The following BIN3 variants were observed in gnomAD, a reference collection of about 807,000 sequenced individuals.
The protein encoded by BIN3 is bridging integrator 3.
A neutral mutation model predicts 38.2 loss-of-function variants in BIN3; 41 were observed. That is an observed-to-expected ratio of 1.07 (90% confidence interval 0.84 to 1.39). The LOEUF is 1.39. Ranked by LOEUF, BIN3 falls within the 40% of genes most tolerant of loss-of-function variation. The pLI is 0.00. For missense variants in BIN3, 361 were observed against 324.3 expected, an observed-to-expected ratio of 1.11 and a Z score of -0.87; for synonymous variants, 145 against 122.6, an observed-to-expected ratio of 1.18 and a Z score of -1.21.
chr8:22,648,290 T>G (rs186323533), intron 1 of BIN3, among the ~76,000 whole-genome samples: 1 of 152,246 alleles, frequency 6.6e-6, no homozygotes, highest in Admixed American at 6.5e-5. Context: ...AGACTATCCT[T>G]TCTTCAGACC....
chr8:22,625,451 C>T (rs1321715765), intron 6 of BIN3: 1 of 701,776 alleles, frequency 1.4e-6, no homozygotes, highest in Non-Finnish European at 2.6e-6. Context: ...GGAGGAAAGA[C>T]GAGGGCAGGA....
intron 1 of BIN3, among the ~76,000 whole-genome samples, chr8:22,645,722 G>C (rs113398244): frequency 1.3e-5 from 2 of 152,128 alleles, no homozygotes; most frequent in African/African-American, 2.4e-5. Context: ...TTGAAATCAC[G>C]AATCATTATG....
At chr8:22,657,543 T>C (rs749872509) in intron 1 of BIN3, among the ~76,000 whole-genome samples, 3 of 152,134 alleles carry the variant, frequency 2.0e-5, no homozygotes, top group Non-Finnish European at 4.4e-5. Flanking sequence ...CAAGAGGATA[T>C]ATGAAAGGAG....
At chr8:22,625,122 G>A (rs182280798) in intron 6 of BIN3, 62 of 554,538 alleles carry the variant, frequency 1.1e-4, no homozygotes, top group Non-Finnish European at 1.7e-4. Flanking sequence ...AAGGGACCGC[G>A]TGGGAGACTC....
intron 1 of BIN3, among the ~76,000 whole-genome samples, chr8:22,653,629 A>C (rs1012944206): frequency 6.6e-6 from 1 of 152,188 alleles, no homozygotes; most frequent in African/African-American, 2.4e-5. Context: ...TCCATCCCCC[A>C]AAAAAGCCTG....
intron 1 of BIN3, among the ~76,000 whole-genome samples, chr8:22,650,529 T>C (rs1006676266): frequency 3.9e-5 from 6 of 152,244 alleles, no homozygotes; most frequent in African/African-American, 1.4e-4. Flanking sequence ...TTATTACTTT[T>C]ATGGCTTCCT....
intron 7 of BIN3, 76 bp downstream of exon 7, chr8:22,624,146 G>T: frequency 6.3e-7 from 1 of 1,587,814 alleles, no homozygotes; most frequent in African/African-American, 1.3e-5. Context: ...GTGCCCCCAG[G>T]TGAGGGGAGG....
chr8:22,644,624 G>T, intron 2 of BIN3, 131 bp downstream of exon 2: 1 of 813,948 alleles, frequency 1.2e-6, no homozygotes, highest in Non-Finnish European at 2.0e-6. Flanking sequence ...TTCTAGATCC[G>T]CATAAGCAGG....
chr8:22,634,463 T>C (rs545138730), intron 4 of BIN3: 167 of 456,212 alleles, frequency 3.7e-4, no homozygotes, highest in African/African-American at 3.0e-3. Context: ...CGCTTTCCTT[T>C]TGTGATCAGT....
In BIN3 at chr8:22,630,533, T is replaced by C. The variant is rs368195300; in HGVS notation, c.206A>G (p.Asn69Ser). The change falls in exon 5 of 9, where the codon AAT (asparagine) becomes AGT (serine). Residue 69 changes from asparagine (N) to serine (S), a missense_variant. By Grantham distance (46) the Asn-to-Ser change is conservative. Coordinates refer to ENST00000276416, the MANE Select transcript of BIN3 (RefSeq NM_018688.6). ...AVKISLDLLS[N>S]PLCEQDQDLL... ...GTCCTGGTCTTGCTCACAGAGGGGA[T>C]TGGAGAGTAAGTCCAAGGATATCTT... is the stretch of plus-strand genomic sequence containing the variant. 1.2e-4 allele frequency: 199 copies of C among 1,613,976 alleles called. No homozygotes were observed. The highest frequency in any genetic ancestry group is 9.4e-4 in the East Asian group (42 of 44,878).
intron 8 of BIN3, among the ~76,000 whole-genome samples, chr8:22,623,473 G>A (rs904204838): frequency 7.9e-5 from 12 of 152,242 alleles, no homozygotes; most frequent in Admixed American, 5.2e-4. Flanking sequence ...CAGGACTCCC[G>A]CCGTTTCCTG....
chr8:22,637,804 AG>A (rs1802421651), intron 2 of BIN3, among the ~76,000 whole-genome samples: 1 of 152,226 alleles, frequency 6.6e-6, no homozygotes, highest in Non-Finnish European at 1.5e-5. Flanking sequence ...TGCAGCCGTC[AG>A]GTGCCAGCTT....
At chr8:22,635,610 A>T (rs1802342526) in intron 4 of BIN3, among the ~76,000 whole-genome samples, 1 of 151,668 alleles carries the variant, frequency 6.6e-6, no homozygotes, top group Non-Finnish European at 1.5e-5. Context: ...TCAGTGCTTT[A>T]CGTTGCTCAT....
At chr8:22,626,181 C>G (rs1801998360) in intron 6 of BIN3, 1 of 152,352 alleles carries the variant, frequency 6.6e-6, no homozygotes, top group African/African-American at 2.4e-5. Flanking sequence ...AAACCAGCAT[C>G]TGACCGACTT....
At position 22,628,395 on chromosome 8, in the gene BIN3, G is replaced by C. The variant is rs1802072633; in HGVS notation, c.338+1569C>G. 1.3e-5 allele frequency among the ~76,000 whole-genome samples: 2 copies of C among 152,344 alleles called. 1 individual carries two copies. Among genetic ancestry groups the C allele is most frequent in the East Asian group, 3.9e-4 (2 of 5,184 alleles). On this transcript the variant is annotated intron_variant, in intron 6 of 8. Transcript: ENST00000276416. ...AAGAGGAAGCCAATGGGAAGAGGCTGTAGGCTGCGCGGTTTTATGTGGTTG... is the reference window on the plus strand; with the variant it reads ...AAGAGGAAGCCAATGGGAAGAGGCTCTAGGCTGCGCGGTTTTATGTGGTTG...
chr8:22,663,452 A>AAG (rs934445809), intron 1 of BIN3, among the ~76,000 whole-genome samples: 1 of 151,612 alleles, frequency 6.6e-6, no homozygotes, highest in African/African-American at 2.4e-5. Flanking sequence ...AAAAAAAAAA[A>AAG]AAAAAAAAAA....
intron 4 of BIN3, among the ~76,000 whole-genome samples, chr8:22,631,994 G>A (rs61692540): frequency 1.4e-3 from 216 of 152,348 alleles, no homozygotes; most frequent in African/African-American, 5.0e-3. Context: ...GAGTGCATCT[G>A]GGGCAGGTCT....
chr8:22,630,720 A>G (rs772792835), intron 4 of BIN3, 142 bp from the exon 5 acceptor site: 1 of 819,512 alleles, frequency 1.2e-6, no homozygotes, highest in Non-Finnish European at 1.9e-6. Flanking sequence ...ACGGCGAAGT[A>G]CCACACAACC....
At chr8:22,630,029 T>C (rs1238671739) in intron 5 of BIN3, 25 bp from the exon 6 acceptor site, 1 of 1,601,146 alleles carries the variant, frequency 6.2e-7, no homozygotes, top group Non-Finnish European at 8.5e-7. Flanking sequence ...CCCAAAGACA[T>C]TAAAACTGGT....
Sources: gnomAD v4.1 joint callset for allele counts (sites outside exome capture counted in the v4.1 genomes callset) on GRCh38, gnomAD v4.1.1 for gene constraint, MANE v1.5 for transcripts, NCBI Gene and HGNC (gene_info 2026-07-23, HGNC 2026-07-21) for gene names.